The following UVRAG variants were observed in gnomAD, a reference collection of about 807,000 sequenced individuals.
UVRAG encodes UV radiation resistance associated.
Under a neutral mutation model 78.0 loss-of-function variants are expected in UVRAG, and 19 were observed. That is an observed-to-expected ratio of 0.24 (90% CI 0.17 to 0.36). UVRAG has a LOEUF of 0.36. UVRAG is among the 10% of genes least tolerant of loss of function. The pLI, the probability that UVRAG is intolerant of heterozygous loss-of-function variation, is 1.00. For missense variants in UVRAG, 740 were observed against 853.8 expected (o/e 0.87, Z 1.66); for synonymous variants, 323 against 324.6 (o/e 1.00, Z 0.05).
intron 13 of UVRAG, 154 bp from the exon 14 acceptor site, chr11:76,115,770 C>T (rs1342387439): frequency 4.7e-6 from 3 of 639,368 alleles, no homozygotes; most frequent in South Asian, 1.9e-5. Context: ...ATGTCAAATA[C>T]CCAGTAAGTG....
chr11:75,872,929 T>G (rs2134833794), intron 3 of UVRAG, among the ~76,000 whole-genome samples: 2 of 152,308 alleles, frequency 1.3e-5, no homozygotes, highest in African/African-American at 4.8e-5. Context: ...GTGCTGGATA[T>G]TGTAGAGGAT....
chr11:75,965,907 A>G (rs1488130512), intron 7 of UVRAG, among the ~76,000 whole-genome samples: 1 of 151,902 alleles, frequency 6.6e-6, no homozygotes, highest in Non-Finnish European at 1.5e-5. Flanking sequence ...CATCCAGTAC[A>G]ATGTTGGACA....
At chr11:76,038,523 A>G (rs76243631) in intron 12 of UVRAG, among the ~76,000 whole-genome samples, 2,119 of 152,334 alleles carry the variant, frequency 0.014, 18 homozygotes, top group Non-Finnish European at 0.023. Context: ...TAAAATACAA[A>G]TTTTATATCA....
chr11:75,876,971 T>C (rs1306819665), intron 3 of UVRAG, among the ~76,000 whole-genome samples: 8 of 151,010 alleles, frequency 5.3e-5, no homozygotes, highest in African/African-American at 2.0e-4. Context: ...AGGTCTCTGG[T>C]TTTCCTAGGC....
chr11:75,950,643 T>TA (rs1000900864), intron 6 of UVRAG, among the ~76,000 whole-genome samples: 17 of 152,158 alleles, frequency 1.1e-4, no homozygotes, highest in African/African-American at 4.1e-4. Context: ...CCAAAGTAGT[T>TA]ATACATTTTT....
intron 5 of UVRAG, among the ~76,000 whole-genome samples, chr11:75,897,643 C>T (rs1210674616): frequency 6.6e-6 from 1 of 151,354 alleles, no homozygotes; most frequent in Non-Finnish European, 1.5e-5. Context: ...CCTGCTTCAG[C>T]CTCCCGAGTA....
intron 6 of UVRAG, among the ~76,000 whole-genome samples, chr11:75,936,815 C>A (rs767984039): frequency 6.6e-6 from 1 of 152,132 alleles, no homozygotes; most frequent in Non-Finnish European, 1.5e-5. Context: ...TGCTGTGTCT[C>A]CCAGGCTGGC....
chr11:76,018,077 G>T (rs1201107548), intron 12 of UVRAG, among the ~76,000 whole-genome samples: 1 of 152,108 alleles, frequency 6.6e-6, no homozygotes, highest in Non-Finnish European at 1.5e-5. Context: ...TATAATGCAT[G>T]GTTCTAACAC....
intron 6 of UVRAG, among the ~76,000 whole-genome samples, chr11:75,925,746 A>G (rs992468404): frequency 1.3e-5 from 2 of 152,232 alleles, no homozygotes; most frequent in Non-Finnish European, 2.9e-5. Context: ...CATTAATGCT[A>G]TTAAGTAAAA....
At chr11:75,884,518 T>G (rs1334929741) in intron 4 of UVRAG, among the ~76,000 whole-genome samples, 1 of 152,098 alleles carries the variant, frequency 6.6e-6, no homozygotes, top group Non-Finnish European at 1.5e-5. Context: ...TTTGTTTTCT[T>G]TTGTAAGTTT....
rs1340276421 is a variant in UVRAG at position 76,065,798 on chromosome 11, T to A, written c.1305+10T>A. ...CAAAAATATAGCACAGGTAAGTCTC[T>A]GTTCTTCACTTCTCTCCTACTTCCC... On this transcript the variant is annotated intron_variant, in intron 13 of 14. Transcript: ENST00000356136. 1.6e-5 allele frequency: 26 copies of A among 1,612,398 alleles called. No homozygotes were observed. Among genetic ancestry groups the A allele is most frequent in the Non-Finnish European group, 2.2e-5 (26 of 1,178,888 alleles).
chr11:76,017,992 A>AT (rs1950179140), intron 12 of UVRAG, among the ~76,000 whole-genome samples: 1 of 152,196 alleles, frequency 6.6e-6, no homozygotes, highest in Non-Finnish European at 1.5e-5. Flanking sequence ...GTATTTCTAA[A>AT]TTCATTTTGA....
chr11:76,067,316 A>G (rs1000117801), intron 13 of UVRAG, among the ~76,000 whole-genome samples: 7 of 152,100 alleles, frequency 4.6e-5, no homozygotes, highest in Non-Finnish European at 1.0e-4. Context: ...CCCACAACTG[A>G]TGCTTGCCCA....
At chr11:76,122,250 T>G (rs1383725844) in intron 14 of UVRAG, among the ~76,000 whole-genome samples, 2 of 152,148 alleles carry the variant, frequency 1.3e-5, no homozygotes, top group Admixed American at 1.3e-4. Context: ...AGATAACATT[T>G]CAGTGGAGAG....
chr11:76,038,112 T>TA (rs1950572522), intron 12 of UVRAG, among the ~76,000 whole-genome samples: 1 of 152,182 alleles, frequency 6.6e-6, no homozygotes, highest in African/African-American at 2.4e-5. Flanking sequence ...ATCTCCCACT[T>TA]AAAAAACAAA....
chr11:76,137,379 C>T (rs1486829050), intron 14 of UVRAG: 3 of 456,162 alleles, frequency 6.6e-6, no homozygotes, highest in South Asian at 1.5e-5. Context: ...ATTGTGTCAT[C>T]GCTCAGTAAT....
chr11:75,971,855 G>GT (rs1949128517), intron 7 of UVRAG, among the ~76,000 whole-genome samples: 1 of 151,850 alleles, frequency 6.6e-6, no homozygotes, highest in Non-Finnish European at 1.5e-5. Context: ...CCGGCTAGAT[G>GT]TTTTTTTGTA....
chr11:76,143,720 T>A lies in UVRAG; in HGVS notation c.*2307T>A, dbSNP rs949883960. On this transcript the variant is annotated 3_prime_UTR_variant, in exon 15 of 15. Transcript: ENST00000356136. The stretch of plus-strand genomic sequence containing the variant: ...TTACCCGTCTCCTGGAATAACTGTT[T>A]GACGTTTTCCAAAGTTGTAGAGTTA... Among the ~76,000 whole-genome samples, 2 of 152,258 alleles carry A rather than the reference T, an allele frequency of 1.3e-5. No homozygotes were observed. The highest frequency in any genetic ancestry group is 4.8e-5 in the African/African-American group (2 of 41,466).
intron 6 of UVRAG, among the ~76,000 whole-genome samples, chr11:75,941,496 T>C (rs1352653907): frequency 6.6e-6 from 1 of 152,162 alleles, no homozygotes; most frequent in African/African-American, 2.4e-5. Context: ...AATATTTGCA[T>C]TATACTTACT....
Sources: gnomAD v4.1 joint callset for allele counts (sites outside exome capture counted in the v4.1 genomes callset) on GRCh38, gnomAD v4.1.1 for gene constraint, MANE v1.5 for transcripts, NCBI Gene and HGNC (gene_info 2026-07-23, HGNC 2026-07-21) for gene names.